Variants in PLPPR1 observed in about 807,000 individuals in gnomAD.
PLPPR1 encodes phospholipid phosphatase-related protein type 1.
A neutral mutation model predicts 33.1 loss-of-function variants in PLPPR1; 10 were observed. The observed-to-expected ratio is 0.30, with a 90% CI of 0.19 to 0.51. The LOEUF is 0.51. PLPPR1 is among the 20% of genes least tolerant of loss of function. The pLI is 0.97. For synonymous variants in PLPPR1, 151 were observed against 151.0 expected (o/e 1.00, Z 0.00); for missense variants, 304 against 408.1 (o/e 0.74, Z 2.20).
intron 2 of PLPPR1, among the ~76,000 whole-genome samples, chr9:101,217,787 C>T (rs572987126): frequency 6.6e-6 from 1 of 152,114 alleles, no homozygotes; most frequent in Admixed American, 6.5e-5. Flanking sequence ...ATTGTCCAAC[C>T]TCAATAATTC....
intron 1 of PLPPR1, among the ~76,000 whole-genome samples, chr9:101,091,658 A>G (rs970119056): frequency 6.6e-6 from 1 of 152,172 alleles, no homozygotes; most frequent in Non-Finnish European, 1.5e-5. Flanking sequence ...ACCTAATTCC[A>G]TCTGCAACCT....
chr9:101,055,101 T>A (rs1218329543), intron 1 of PLPPR1, among the ~76,000 whole-genome samples: 1 of 152,264 alleles, frequency 6.6e-6, no homozygotes, highest in African/African-American at 2.4e-5. Flanking sequence ...CCAATGATTA[T>A]ATAAAATGGT....
chr9:101,147,881 T>C (rs1018495911), intron 1 of PLPPR1, among the ~76,000 whole-genome samples: 1 of 152,092 alleles, frequency 6.6e-6, no homozygotes, highest in African/African-American at 2.4e-5. Context: ...TGCCCAGGAG[T>C]GTTCTGACCT....
chr9:101,254,039 A>C (rs1051140693), intron 2 of PLPPR1, among the ~76,000 whole-genome samples: 1 of 152,072 alleles, frequency 6.6e-6, no homozygotes, highest in Admixed American at 6.6e-5. Flanking sequence ...GAAAATCTAG[A>C]CCAGCAGTCC....
intron 1 of PLPPR1, among the ~76,000 whole-genome samples, chr9:101,037,319 G>C (rs1050697659): frequency 6.6e-6 from 1 of 152,038 alleles, no homozygotes; most frequent in African/African-American, 2.4e-5. Context: ...TTTTCTCTGG[G>C]TATTATGGCA....
At chr9:101,279,981 A>T (rs1828267845) in intron 3 of PLPPR1, among the ~76,000 whole-genome samples, 1 of 152,196 alleles carries the variant, frequency 6.6e-6, no homozygotes, top group Non-Finnish European at 1.5e-5. Context: ...TGAAATTTAT[A>T]AAACAATACA....
chr9:101,122,700 A>G (rs1831192500), intron 1 of PLPPR1, among the ~76,000 whole-genome samples: 1 of 152,234 alleles, frequency 6.6e-6, no homozygotes, highest in Admixed American at 6.5e-5. Context: ...GAAATAAATG[A>G]CATCCCTATG....
At chr9:101,263,885 CCTT>C (rs1472814939) in intron 2 of PLPPR1, among the ~76,000 whole-genome samples, 4 of 152,098 alleles carry the variant, frequency 2.6e-5, no homozygotes, top group African/African-American at 9.7e-5. Flanking sequence ...ATCTCTGTCT[CCTT>C]CTCCTTTTCT....
intron 2 of PLPPR1, among the ~76,000 whole-genome samples, chr9:101,203,389 A>C (rs1826526508): frequency 6.6e-6 from 1 of 152,164 alleles, no homozygotes; most frequent in Non-Finnish European, 1.5e-5. Context: ...GTCCTTTGGA[A>C]ACAGTGCTGG....
At chr9:101,257,507 C>G (rs1162232386) in intron 2 of PLPPR1, among the ~76,000 whole-genome samples, 1 of 152,114 alleles carries the variant, frequency 6.6e-6, no homozygotes, top group Non-Finnish European at 1.5e-5. Flanking sequence ...ATAGTCACAC[C>G]TCATGCCAGA....
intron 1 of PLPPR1, among the ~76,000 whole-genome samples, chr9:101,065,781 G>C (rs1159093486): frequency 1.3e-5 from 2 of 152,032 alleles, no homozygotes; most frequent in Non-Finnish European, 2.9e-5. Context: ...GAAATATACT[G>C]TTCCAAGTGT....
At chr9:101,159,544 G>A (rs1423452664) in intron 1 of PLPPR1, among the ~76,000 whole-genome samples, 2 of 152,194 alleles carry the variant, frequency 1.3e-5, no homozygotes, top group African/African-American at 4.8e-5. Flanking sequence ...TGGGCTATAA[G>A]CCTTGTGGTT....
At chr9:101,285,442 T>C (rs1253932442) in intron 3 of PLPPR1, among the ~76,000 whole-genome samples, 1 of 152,148 alleles carries the variant, frequency 6.6e-6, no homozygotes, top group African/African-American at 2.4e-5. Context: ...TCTGAGGCAA[T>C]TGTGATCAAA....
chr9:101,290,867 G>A (rs569466552), intron 4 of PLPPR1, among the ~76,000 whole-genome samples: 1 of 152,318 alleles, frequency 6.6e-6, no homozygotes, highest in Admixed American at 6.5e-5. Flanking sequence ...CGCAGAAGAT[G>A]GGTGATTTCT....
chr9:101,032,296 G>T (rs76860431), intron 1 of PLPPR1, among the ~76,000 whole-genome samples: 1 of 152,306 alleles, frequency 6.6e-6, no homozygotes, highest in African/African-American at 2.4e-5. Flanking sequence ...AGAGAATGAT[G>T]ACTGTGACTA....
intron 2 of PLPPR1, among the ~76,000 whole-genome samples, chr9:101,200,922 A>G (rs1401193625): frequency 6.6e-6 from 1 of 152,226 alleles, no homozygotes; most frequent in Admixed American, 6.5e-5. Flanking sequence ...CCAATTTCCC[A>G]ATCTGTTTGT....
rs571179876 is a variant in PLPPR1, at chr9:101,039,640, G to A, written c.-46+10538G>A. On this transcript the variant is annotated intron_variant, in intron 1 of 7. Coordinates refer to ENST00000374874, the MANE Select transcript of PLPPR1 (RefSeq NM_207299.2). ...TTTAATGGAGAACTCACAGTTCCACGTGGCTGGGGAAGCCTCACAATCATG... is the reference window on the plus strand; with the variant it reads ...TTTAATGGAGAACTCACAGTTCCACATGGCTGGGGAAGCCTCACAATCATG... 4.2e-3 allele frequency among the ~76,000 whole-genome samples: 639 copies of A among 152,248 alleles called. 4 individuals are homozygous for A. The highest frequency in any genetic ancestry group is 6.7e-3 in the Non-Finnish European group (457 of 68,010).
intron 1 of PLPPR1, among the ~76,000 whole-genome samples, chr9:101,055,549 A>T (rs1437429459): frequency 6.6e-6 from 1 of 152,230 alleles, no homozygotes; most frequent in East Asian, 1.9e-4. Context: ...TGTCTTGAAT[A>T]ATCTTAAATA....
At chr9:101,311,308 C>T (rs1396405868) in intron 5 of PLPPR1, among the ~76,000 whole-genome samples, 2 of 152,142 alleles carry the variant, frequency 1.3e-5, no homozygotes, top group African/African-American at 4.8e-5. Flanking sequence ...CAAATCATGC[C>T]TCACAGACTA....
Sources: gnomAD v4.1 joint callset for allele counts (sites outside exome capture counted in the v4.1 genomes callset) on GRCh38, gnomAD v4.1.1 for gene constraint, MANE v1.5 for transcripts, NCBI Gene and HGNC (gene_info 2026-07-23, HGNC 2026-07-21) for gene names.